The following C17orf78 variants were observed in gnomAD, a reference collection of about 807,000 sequenced individuals.
C17orf78 encodes chromosome 17 open reading frame 78.
A neutral mutation model predicts 31.8 loss-of-function variants in C17orf78; 27 were observed. The ratio of observed to expected loss-of-function variants is 0.85; its 90% CI spans 0.63 to 1.17. The LOEUF is 1.17. C17orf78 is among the 50% of genes most tolerant of loss of function. The pLI is 0.00. For missense variants in C17orf78, 258 were observed against 315.2 expected, an observed-to-expected ratio of 0.82 and a Z score of 1.37; for synonymous variants, 106 against 115.1, an observed-to-expected ratio of 0.92 and a Z score of 0.51.
chr17:37,383,690 G>A (rs1184378476), intron 3 of C17orf78, among the ~76,000 whole-genome samples: 1 of 152,102 alleles, frequency 6.6e-6, no homozygotes, highest in Admixed American at 6.6e-5. Context: ...TGGGATTACA[G>A]CACCACCATG....
intron 3 of C17orf78, among the ~76,000 whole-genome samples, chr17:37,382,926 A>G (rs746505138): frequency 1.3e-5 from 2 of 152,134 alleles, no homozygotes; most frequent in African/African-American, 4.8e-5. Context: ...AGTCCCAGCT[A>G]CTCGGGAGGC....
chr17:37,383,871 T>C (rs2050412232), intron 3 of C17orf78, among the ~76,000 whole-genome samples: 1 of 152,192 alleles, frequency 6.6e-6, no homozygotes, highest in African/African-American at 2.4e-5. Flanking sequence ...AATTTATGTA[T>C]GAACTTTTGA....
In C17orf78 at chr17:37,388,684, C is replaced by G; in HGVS notation, c.523C>G (p.Leu175Val). ...CTCTCCTTTAGACACAGATGAGAAC[C>G]TAGAGAAGAGACAGAAATGGAGTAT... ...KTTSTDTDEN[L>V]EKRQKWSIVV... The change falls in exon 5 of 7, where the codon CTA (leucine) becomes GTA (valine). Residue 175 changes from leucine to valine, a missense_variant. Physicochemically the swap from Leu to Val is conservative, Grantham distance 32. Transcript: ENST00000615133. The G allele has an allele frequency of 6.2e-7, 1 of 1,612,318 alleles. No homozygotes were observed. The highest frequency in any genetic ancestry group is 8.5e-7 in the Non-Finnish European group (1 of 1,178,886).
chr17:37,380,886 G>A (rs901407188), intron 3 of C17orf78, among the ~76,000 whole-genome samples: 8 of 149,128 alleles, frequency 5.4e-5, no homozygotes, highest in African/African-American at 2.0e-4. Flanking sequence ...GTGAGCCACC[G>A]TGCCTGGCCA....
At chr17:37,377,995 T>C in intron 2 of C17orf78, 30 bp downstream of exon 2, 1 of 1,600,502 alleles carries the variant, frequency 6.2e-7, no homozygotes, top group Non-Finnish European at 8.6e-7. Flanking sequence ...TGGAAAATGA[T>C]ATTGCCATTC....
rs1387049314 is a variant in C17orf78, at chr17:37,376,240, C to T, written c.58+90C>T. ...TCTCTTCCACCAGATAGAGATGTAG[C>T]TGATATCCAGCAAGCAATACTTTCC... On this transcript the variant is annotated intron_variant, in intron 1 of 6. Coordinates refer to ENST00000615133, the MANE Select transcript of C17orf78 (RefSeq NM_173625.5). 3 of 1,095,736 alleles carry T rather than the reference C, an allele frequency of 2.7e-6. No homozygotes were observed. In the East Asian group the frequency reaches 7.1e-5, roughly 26 times the overall value. The allele number at this position is 1,095,736 out of a possible 1,614,324, so 67.9% of individuals were successfully genotyped here.
Position 37,379,136 on chromosome 17 carries a change from G to A in C17orf78, c.146-1G>A. On this transcript the variant is annotated splice_acceptor_variant, in intron 2 of 6. Coordinates refer to ENST00000615133, the MANE Select transcript of C17orf78 (RefSeq NM_173625.5). LOFTEE classifies it high-confidence loss of function. ...TTTCTATCTGGTTCTTCTCCTTCCA[G>A]AAACTCACACAGAAACCAAAAGGAC... 6.2e-7 allele frequency: 1 copy of A among 1,610,348 alleles called. No individual in the cohort carries two copies. Among genetic ancestry groups the A allele is most frequent in the Non-Finnish European group, 8.5e-7 (1 of 1,178,328 alleles).
rs370014421 is a variant in C17orf78 at position 37,381,956 on chromosome 17, A to G, written c.391+2574A>G. Among the ~76,000 whole-genome samples the G allele has an allele frequency of 2.0e-4, 30 of 152,182 alleles. No individual in the cohort carries two copies. In the East Asian group the frequency reaches 5.4e-3, roughly 27 times the overall value. On this transcript the variant is annotated intron_variant, in intron 3 of 6. Transcript: ENST00000615133. The stretch of plus-strand genomic sequence containing the variant: ...CTCTTCTATATTCTACTAGCCCCCT[A>G]TTGATATATATTTTGGTCGTTTCCA...
chr17:37,382,614 C>G (rs2050346355), intron 3 of C17orf78, among the ~76,000 whole-genome samples: 1 of 152,164 alleles, frequency 6.6e-6, no homozygotes, highest in African/African-American at 2.4e-5. Context: ...GTAATCCCAG[C>G]ACTTTGGAAG....
At chr17:37,379,071 CA>C (rs34928391) in intron 2 of C17orf78, 65 bp from the exon 3 acceptor site, 4 of 1,519,506 alleles carry the variant, frequency 2.6e-6, no homozygotes, top group Admixed American at 2.2e-5. Flanking sequence ...GGCACCGTCT[CA>C]AAAAAACCAA....
chr17:37,381,763 G>A (rs931140763), intron 3 of C17orf78, among the ~76,000 whole-genome samples: 2 of 151,582 alleles, frequency 1.3e-5, no homozygotes, highest in Non-Finnish European at 2.9e-5. Flanking sequence ...GAGTAGCTGG[G>A]ACTACAGGCA....
chr17:37,387,027 A>C (rs991980254), intron 4 of C17orf78: 1 of 152,252 alleles, frequency 6.6e-6, no homozygotes, highest in South Asian at 2.1e-4. Flanking sequence ...ACATTGTCCA[A>C]GCTGGTCTCA....
chr17:37,391,821 C>A lies in C17orf78; in HGVS notation c.*97C>A. ...GCCAATTTCACACTTGTATCTTCAG[C>A]AGGGACATTACAATCAAACACCAAT... On this transcript the variant is annotated 3_prime_UTR_variant, in exon 7 of 7. Transcript: ENST00000615133. 9.1e-7 allele frequency: 1 copy of A among 1,095,906 alleles called. No homozygotes were observed. Among genetic ancestry groups the A allele is most frequent in the Non-Finnish European group, 1.4e-6 (1 of 722,980 alleles). The allele number at this position is 1,095,906 out of a possible 1,614,324, so 67.9% of individuals were successfully genotyped here.
chr17:37,380,001 A>G (rs1306930728), intron 3 of C17orf78, among the ~76,000 whole-genome samples: 22 of 149,980 alleles, frequency 1.5e-4, no homozygotes, highest in South Asian at 4.3e-4. Context: ...CACTATTCAC[A>G]ATAGCAAAGA....
intron 3 of C17orf78, among the ~76,000 whole-genome samples, chr17:37,380,477 C>T (rs8066442): frequency 0.033 from 4,958 of 152,140 alleles, 256 homozygotes; most frequent in African/African-American, 0.11. Context: ...GGCAAATCTA[C>T]GTGCTCTCTG....
intron 4 of C17orf78, 142 bp from the exon 5 acceptor site, chr17:37,388,528 A>C (rs2050650398): frequency 2.1e-6 from 2 of 958,356 alleles, no homozygotes; most frequent in Non-Finnish European, 1.5e-6. Context: ...CCTGAGTTTG[A>C]ATTGGAAATT....
chr17:37,380,415 T>TA (rs965538229), intron 3 of C17orf78, among the ~76,000 whole-genome samples: 8 of 151,470 alleles, frequency 5.3e-5, no homozygotes, highest in African/African-American at 1.9e-4. Flanking sequence ...CCCTAAAACT[T>TA]AAAGTATAAT....
intron 6 of C17orf78, among the ~76,000 whole-genome samples, chr17:37,389,911 G>C (rs944783324): frequency 2.0e-5 from 3 of 149,724 alleles, no homozygotes; most frequent in African/African-American, 7.4e-5. Flanking sequence ...GATACAATAG[G>C]GTGCTTATTG....
At position 37,377,904 on chromosome 17, in the gene C17orf78, G is replaced by A. The variant is rs552535331; in HGVS notation, c.84G>A (p.Leu28=). 1.2e-5 allele frequency: 19 copies of A among 1,613,050 alleles called. No homozygotes were observed. Among genetic ancestry groups the A allele is most frequent in the Non-Finnish European group, 1.6e-5 (19 of 1,179,664 alleles). Residue 28 remains leucine, a synonymous_variant, in exon 2 of 7, where the codon CTG becomes CTA. Coordinates refer to ENST00000615133, the MANE Select transcript of C17orf78 (RefSeq NM_173625.5). ...KKDLRDSSCR[L]EQLPGIFPKD... ...ACCTCAGAGATAGCAGTTGCCGACT[G>A]GAACAGCTGCCTGGGATCTTCCCAA...
Sources: gnomAD v4.1 joint callset for allele counts (sites outside exome capture counted in the v4.1 genomes callset) on GRCh38, gnomAD v4.1.1 for gene constraint, MANE v1.5 for transcripts, NCBI Gene and HGNC (gene_info 2026-07-23, HGNC 2026-07-21) for gene names.